The following ELMO1 variants were observed in gnomAD, a reference collection of about 807,000 sequenced individuals.
ELMO1 encodes engulfment and cell motility 1, also known as engulfment and cell motility protein 1.
Under a neutral mutation model 98.9 loss-of-function variants are expected in ELMO1, and 26 were observed. That is an observed-to-expected ratio of 0.26 (90% CI 0.19 to 0.36). The LOEUF is 0.36. Among genes scored for constraint, ELMO1 ranks in the 10% least tolerant of loss-of-function variants. The pLI, the probability that ELMO1 is intolerant of heterozygous loss-of-function variation, is 1.00. For synonymous variants in ELMO1, 346 were observed against 346.0 expected (o/e 1.00, Z 0.00); for missense variants, 627 against 935.2 (o/e 0.67, Z 4.30).
intron 13 of ELMO1, among the ~76,000 whole-genome samples, chr7:37,153,359 G>A (rs1185905367): frequency 6.6e-6 from 1 of 152,174 alleles, no homozygotes; most frequent in Non-Finnish European, 1.5e-5. Flanking sequence ...AGCACAAGGG[G>A]TCCAGGGATT....
intron 14 of ELMO1, among the ~76,000 whole-genome samples, chr7:37,121,756 A>G (rs941232182): frequency 2.0e-5 from 3 of 152,190 alleles, no homozygotes; most frequent in East Asian, 1.9e-4. Flanking sequence ...CCAACATTCA[A>G]ATTCAGGAAA....
chr7:37,237,203 C>A (rs535848285), intron 7 of ELMO1, among the ~76,000 whole-genome samples: 1 of 152,294 alleles, frequency 6.6e-6, no homozygotes, highest in South Asian at 2.1e-4. Context: ...TCAAAACAAG[C>A]ATGTAAATTT....
intron 16 of ELMO1, among the ~76,000 whole-genome samples, chr7:36,972,415 T>A (rs1790049287): frequency 6.6e-6 from 1 of 152,248 alleles, no homozygotes; most frequent in Non-Finnish European, 1.5e-5. Context: ...AGGACTGCCA[T>A]GACGAAGTAT....
At chr7:37,421,795 C>T (rs1416786138) in intron 1 of ELMO1, among the ~76,000 whole-genome samples, 1 of 152,220 alleles carries the variant, frequency 6.6e-6, no homozygotes, top group Admixed American at 6.5e-5. Flanking sequence ...GCATTATAGA[C>T]TTCGGCAGAA....
intron 17 of ELMO1, among the ~76,000 whole-genome samples, chr7:36,892,853 T>C (rs950970842): frequency 1.3e-5 from 2 of 152,166 alleles, no homozygotes; most frequent in Non-Finnish European, 2.9e-5. Flanking sequence ...CAGTGGGCCA[T>C]GGTACTTCTT....
intron 13 of ELMO1, among the ~76,000 whole-genome samples, chr7:37,202,771 G>A (rs1315422754): frequency 6.6e-6 from 1 of 151,750 alleles, no homozygotes; most frequent in Non-Finnish European, 1.5e-5. Flanking sequence ...GAGAGAATAT[G>A]GGGCCAGGCC....
intron 13 of ELMO1, among the ~76,000 whole-genome samples, chr7:37,194,371 A>G (rs1404245951): frequency 6.6e-6 from 1 of 152,140 alleles, no homozygotes; most frequent in Non-Finnish European, 1.5e-5. Flanking sequence ...CAAGCTGTGC[A>G]ACACTCCCCA....
At chr7:37,414,412 G>A (rs1182082349) in intron 1 of ELMO1, among the ~76,000 whole-genome samples, 1 of 152,232 alleles carries the variant, frequency 6.6e-6, no homozygotes, top group African/African-American at 2.4e-5. Context: ...GGAGAAGAGA[G>A]AGGACGGATA....
intron 14 of ELMO1, among the ~76,000 whole-genome samples, chr7:37,123,119 G>A (rs1282976174): frequency 6.6e-6 from 1 of 152,008 alleles, no homozygotes; most frequent in African/African-American, 2.4e-5. Context: ...CAGAATCTCT[G>A]GGACACATTT....
intron 13 of ELMO1, among the ~76,000 whole-genome samples, chr7:37,147,840 A>G (rs1788090670): frequency 6.6e-6 from 1 of 151,728 alleles, no homozygotes; most frequent in African/African-American, 2.4e-5. Context: ...TGGAAAAAAA[A>G]AAAAAAGCCA....
At chr7:36,871,210 G>T (rs1803472480) in intron 19 of ELMO1, among the ~76,000 whole-genome samples, 1 of 152,180 alleles carries the variant, frequency 6.6e-6, no homozygotes, top group Non-Finnish European at 1.5e-5. Context: ...ATATGGAAGG[G>T]TTTGTGCACT....
chr7:37,021,961 G>A lies in ELMO1; in HGVS notation c.1301-8526C>T, dbSNP rs1794294596. 2.0e-5 allele frequency among the ~76,000 whole-genome samples: 3 copies of A among 152,240 alleles called. No individual in the cohort carries two copies. The South Asian group carries it at 6.2e-4, about 32-fold the overall frequency. Reference sequence around the variant, plus strand: ...AATAGAACAGAATAGGGAGTCCAGAGACCCATATATACAGTCACTGGATTT... The same window carrying A: ...AATAGAACAGAATAGGGAGTCCAGAAACCCATATATACAGTCACTGGATTT... On this transcript the variant is annotated intron_variant, in intron 15 of 21. Coordinates refer to ENST00000310758, the MANE Select transcript of ELMO1 (RefSeq NM_014800.11).
chr7:37,240,238 C>T (rs1263606541), intron 7 of ELMO1, among the ~76,000 whole-genome samples: 1 of 151,808 alleles, frequency 6.6e-6, no homozygotes, highest in Non-Finnish European at 1.5e-5. Context: ...AGGTTTTTGC[C>T]ATGTTACCCA....
At chr7:37,003,736 C>T (rs1486858892) in intron 16 of ELMO1, among the ~76,000 whole-genome samples, 2 of 152,198 alleles carry the variant, frequency 1.3e-5, no homozygotes, top group Non-Finnish European at 2.9e-5. Flanking sequence ...TTTTAACTAC[C>T]AAGCACCTGG....
At chr7:37,262,874 C>A (rs1041692635) in intron 5 of ELMO1, among the ~76,000 whole-genome samples, 4 of 152,208 alleles carry the variant, frequency 2.6e-5, no homozygotes, top group African/African-American at 9.7e-5. Flanking sequence ...TCAGTAGGTA[C>A]ACCAAGGAAC....
At chr7:37,267,085 ACACG>A (rs1796305705) in intron 5 of ELMO1, among the ~76,000 whole-genome samples, 2 of 142,694 alleles carry the variant, frequency 1.4e-5, no homozygotes, top group Non-Finnish European at 3.1e-5. Flanking sequence ...ACACACACAC[ACACG>A]AGTACTACTG....
At chr7:37,184,888 A>G (rs906640156) in intron 13 of ELMO1, among the ~76,000 whole-genome samples, 1 of 151,010 alleles carries the variant, frequency 6.6e-6, no homozygotes, top group African/African-American at 2.4e-5. Context: ...AAAAAGTGAG[A>G]CCCCGTCTCA....
intron 16 of ELMO1, among the ~76,000 whole-genome samples, chr7:36,965,329 G>A (rs1476211524): frequency 6.6e-6 from 1 of 152,150 alleles, no homozygotes; most frequent in Non-Finnish European, 1.5e-5. Flanking sequence ...CTTATCATAG[G>A]CACCGAATAA....
chr7:36,904,172 G>A (rs1245498117), intron 16 of ELMO1, among the ~76,000 whole-genome samples: 2 of 152,372 alleles, frequency 1.3e-5, no homozygotes, highest in East Asian at 3.9e-4. Context: ...AGCAATGAGT[G>A]CCCACCCTGA....
Sources: allele counts gnomAD v4.1 joint callset (sites outside exome capture counted in the v4.1 genomes callset), GRCh38; gene constraint gnomAD v4.1.1; transcripts MANE v1.5; gene names NCBI Gene and HGNC (gene_info 2026-07-23, HGNC 2026-07-21).